KIAA1217: variants seen among roughly 807,000 people sequenced by gnomAD.
The protein encoded by KIAA1217 is KIAA1217, also known as sickle tail protein homolog.
In KIAA1217, 88 loss-of-function variants were observed where a neutral mutation model predicts 163.9. That is an observed-to-expected ratio of 0.54 (90% CI 0.45 to 0.64). The LOEUF (loss-of-function observed/expected upper bound fraction) is 0.64, where lower values mean the gene tolerates loss of function less well. Among genes scored for constraint, KIAA1217 ranks in the 30% least tolerant of loss-of-function variants. The pLI, the probability that KIAA1217 is intolerant of heterozygous loss-of-function variation, is 0.00. For missense variants in KIAA1217, 2,372 were observed against 2,475.0 expected (o/e 0.96, Z 0.88); for synonymous variants, 903 against 923.1 (o/e 0.98, Z 0.39).
chr10:23,933,179 C>A (rs1843328202), intron 1 of KIAA1217, among the ~76,000 whole-genome samples: 1 of 152,204 alleles, frequency 6.6e-6, no homozygotes, highest in South Asian at 2.1e-4. Flanking sequence ...TGCATCCCAG[C>A]TTTACGTCTT....
chr10:23,916,936 C>T (rs1842652891), intron 1 of KIAA1217, among the ~76,000 whole-genome samples: 1 of 144,968 alleles, frequency 6.9e-6, no homozygotes, highest in Admixed American at 7.1e-5. Flanking sequence ...CGTGCCATTG[C>T]ACTCCAGCTT....
In KIAA1217 at chr10:24,545,062, G is replaced by A. The variant is rs778072271; in HGVS notation, c.5293G>A (p.Gly1765Ser). 16 of 1,614,034 alleles carry A rather than the reference G, an allele frequency of 9.9e-6. No individual in the cohort carries two copies. The highest frequency in any genetic ancestry group is 1.7e-5 in the Admixed American group (1 of 60,008). Residue 1765 changes from glycine (G) to serine (S), a missense_variant, in exon 20 of 21, where the codon GGC (glycine) becomes AGC (serine). Gly to Ser is a moderately conservative substitution (Grantham distance 56). Around this residue, in one of 3 missense-constraint regions of KIAA1217, gnomAD observed 690 missense variants for 677.5 expected, o/e 1.02. Coordinates refer to ENST00000376454, the MANE Select transcript of KIAA1217 (RefSeq NM_019590.5). The part of the protein sequence containing the change: ...KNRPGTLDKP[G>S]KQSKLQDPRQ... ...CAGACCCGGAACCCTGGACAAACCC[G>A]GCAAGCAGTCCAAACTGCAGGATCC...
chr10:23,740,723 T>C (rs1351355562), intron 1 of KIAA1217, among the ~76,000 whole-genome samples: 1 of 152,028 alleles, frequency 6.6e-6, no homozygotes, highest in Non-Finnish European at 1.5e-5. Context: ...CATCTCATCC[T>C]TGTAGCCATC....
At chr10:24,178,029 G>A (rs560957225) in intron 2 of KIAA1217, among the ~76,000 whole-genome samples, 97 of 152,298 alleles carry the variant, frequency 6.4e-4, no homozygotes, top group African/African-American at 2.1e-3. Context: ...CTTTTAGAGA[G>A]TAACACCGAT....
At chr10:23,736,297 T>C (rs77877910) in intron 1 of KIAA1217, among the ~76,000 whole-genome samples, 1 of 152,360 alleles carries the variant, frequency 6.6e-6, no homozygotes, top group East Asian at 1.9e-4. Context: ...GAGTGTGGTA[T>C]GACACACAGA....
intron 2 of KIAA1217, among the ~76,000 whole-genome samples, chr10:24,238,520 G>A (rs1417991289): frequency 6.6e-6 from 1 of 152,084 alleles, no homozygotes; most frequent in Non-Finnish European, 1.5e-5. Context: ...GGATAGACAT[G>A]CAAAATATCT....
At chr10:23,736,952 A>G (rs962195330) in intron 1 of KIAA1217, among the ~76,000 whole-genome samples, 4 of 152,212 alleles carry the variant, frequency 2.6e-5, no homozygotes, top group Admixed American at 6.5e-5. Context: ...GATCCATAAA[A>G]AAACACTTCT....
At chr10:24,484,965 C>G (rs1001847910) in intron 6 of KIAA1217, among the ~76,000 whole-genome samples, 3 of 152,104 alleles carry the variant, frequency 2.0e-5, no homozygotes, top group East Asian at 1.9e-4. Context: ...CTGCCTGGAG[C>G]CTTCCCTAAG....
At chr10:24,184,199 C>T (rs1223392376) in intron 2 of KIAA1217, among the ~76,000 whole-genome samples, 4 of 152,090 alleles carry the variant, frequency 2.6e-5, no homozygotes, top group Non-Finnish European at 5.9e-5. Context: ...GGAATGTGTA[C>T]GTATGGTTTA....
chr10:23,759,899 A>G (rs1834160569), intron 1 of KIAA1217, among the ~76,000 whole-genome samples: 1 of 152,240 alleles, frequency 6.6e-6, no homozygotes, highest in South Asian at 2.1e-4. Flanking sequence ...ATGAGTATGA[A>G]GAGTGCATTA....
intron 1 of KIAA1217, among the ~76,000 whole-genome samples, chr10:23,888,260 C>T (rs1841267974): frequency 6.6e-6 from 1 of 151,880 alleles, no homozygotes; most frequent in Admixed American, 6.6e-5. Flanking sequence ...AGAACTTGAG[C>T]ATAACACCAA....
intron 1 of KIAA1217, among the ~76,000 whole-genome samples, chr10:23,726,887 A>T (rs1838175358): frequency 6.6e-6 from 1 of 151,888 alleles, no homozygotes; most frequent in Non-Finnish European, 1.5e-5. Context: ...AAAAGTAAAG[A>T]ATTTCTTGTG....
At chr10:24,162,302 G>C (rs1006477990) in intron 2 of KIAA1217, among the ~76,000 whole-genome samples, 1 of 152,216 alleles carries the variant, frequency 6.6e-6, no homozygotes, top group Admixed American at 6.5e-5. Context: ...GCCATGCTTT[G>C]TATTCACTAC....
At chr10:23,776,150 T>C (rs2130891152) in intron 1 of KIAA1217, among the ~76,000 whole-genome samples, 1 of 152,256 alleles carries the variant, frequency 6.6e-6, no homozygotes, top group East Asian at 1.9e-4. Context: ...CCATTGAAGA[T>C]GATCACCTGG....
At chr10:24,056,596 G>C (rs1319553539) in intron 2 of KIAA1217, among the ~76,000 whole-genome samples, 1 of 152,084 alleles carries the variant, frequency 6.6e-6, no homozygotes, top group Non-Finnish European at 1.5e-5. Flanking sequence ...CCTGGAGGCA[G>C]AAAATGAAAA....
intron 3 of KIAA1217, among the ~76,000 whole-genome samples, chr10:24,425,152 G>A (rs2059079056): frequency 6.6e-6 from 1 of 152,150 alleles, no homozygotes; most frequent in Non-Finnish European, 1.5e-5. Context: ...CGATTTTTTA[G>A]ATGAAAGTTT....
At chr10:24,290,028 G>A (rs960091847) in intron 2 of KIAA1217, among the ~76,000 whole-genome samples, 5 of 152,126 alleles carry the variant, frequency 3.3e-5, no homozygotes, top group Middle Eastern at 3.2e-3. Context: ...CAACAGTTCC[G>A]AGTGATACTA....
At chr10:24,014,847 C>T (rs1847401887) in intron 2 of KIAA1217, among the ~76,000 whole-genome samples, 1 of 152,052 alleles carries the variant, frequency 6.6e-6, no homozygotes, top group Admixed American at 6.6e-5. Context: ...GTTAAAACCA[C>T]ATTGAATTGC....
intron 2 of KIAA1217, among the ~76,000 whole-genome samples, chr10:24,354,263 C>T (rs2048798629): frequency 6.6e-6 from 1 of 152,208 alleles, no homozygotes; most frequent in Admixed American, 6.5e-5. Flanking sequence ...CCCGGACCCC[C>T]CTCACAGGAC....
Sources: gnomAD v4.1 joint callset for allele counts (sites outside exome capture counted in the v4.1 genomes callset) on GRCh38, gnomAD v4.1.1 for gene constraint, gnomAD v4.1.1 regional missense constraint, MANE v1.5 for transcripts, NCBI Gene and HGNC (gene_info 2026-07-23, HGNC 2026-07-21) for gene names.